Variants in ZC4H2 observed in about 807,000 individuals in gnomAD.
ZC4H2 encodes zinc finger C4H2 domain-containing protein.
For missense variants in ZC4H2, 137 were observed against 173.9 expected, an observed-to-expected ratio of 0.79 and a Z score of 1.19; for synonymous variants, 84 against 66.3, an observed-to-expected ratio of 1.27 and a Z score of -1.30.
rs1006463627 is a variant in ZC4H2 at position 65,018,695 on chromosome X, C to G, written c.-272+15934G>C. 2.7e-5 allele frequency among the ~76,000 whole-genome samples: 3 copies of G among 110,398 alleles called. No individual in the cohort carries two copies. In the East Asian group the frequency reaches 8.6e-4, roughly 32 times the overall value. The stretch of plus-strand genomic sequence containing the variant: ...TGCCAGCGAGACAGAACCGTTCACT[C>G]CCCTGGAAAGGGGGCTGAAGCTAGG... On this transcript the variant is annotated intron_variant, in intron 1 of 4. Coordinates refer to the ZC4H2 transcript ENST00000337990.
chrX:64,924,836 G>A (rs983357404), intron 1 of ZC4H2, among the ~76,000 whole-genome samples: 2 of 110,834 alleles, frequency 1.8e-5, no homozygotes, highest in Non-Finnish European at 3.8e-5. Flanking sequence ...ATAAAACTAG[G>A]GAGGTTGACA....
upstream of ZC4H2, chrX:64,976,545 A>G: frequency 2.0e-6 from 1 of 489,712 alleles, no homozygotes. Flanking sequence ...CCAGCCAGGA[A>G]GCCCGGGGGC....
intron 1 of ZC4H2, among the ~76,000 whole-genome samples, chrX:65,004,406 G>T (rs974993150): frequency 2.7e-5 from 3 of 111,943 alleles, no homozygotes; most frequent in Non-Finnish European, 5.6e-5. Flanking sequence ...CTTCATCCCT[G>T]GGATGCAAGG....
chrX:64,948,435 TTAGG>T lies in ZC4H2; in HGVS notation c.54-26451_54-26448del, dbSNP rs1345510240. Among the ~76,000 whole-genome samples, 109 of 111,893 alleles carry T rather than the reference TTAGG, an allele frequency of 9.7e-4. 1 individual carries two copies. Among genetic ancestry groups the T allele is most frequent in the Middle Eastern group, 9.3e-3 (2 of 216 alleles). On this transcript the variant is annotated intron_variant, in intron 1 of 4. Coordinates refer to ENST00000374839, the MANE Select transcript of ZC4H2 (RefSeq NM_018684.4). ...GTTTCACATTTTTTTTTGTGCACAC[TTAGG>T]TAGGAAAAATCATTGGCTAAGTTCA...
At chrX:65,005,597 A>C (rs1234889236) in intron 1 of ZC4H2, among the ~76,000 whole-genome samples, 1 of 111,708 alleles carries the variant, frequency 9.0e-6, no homozygotes, top group Non-Finnish European at 1.9e-5. Flanking sequence ...ACCTAAAACC[A>C]TAAAAACCCT....
chrX:65,002,375 G>A (rs1056805977), intron 1 of ZC4H2, among the ~76,000 whole-genome samples: 2 of 108,753 alleles, frequency 1.8e-5, no homozygotes, highest in African/African-American at 3.3e-5. Flanking sequence ...CGCCCGGCCA[G>A]CCGCCCCGTC....
chrX:64,945,842 G>A (rs374503608), intron 1 of ZC4H2, among the ~76,000 whole-genome samples: 9 of 111,088 alleles, frequency 8.1e-5, no homozygotes, highest in South Asian at 7.8e-4. Flanking sequence ...GATGGTTTCC[G>A]CTAAGTCAGA....
chrX:65,014,737 ATAGT>A (rs1470079783), intron 1 of ZC4H2, among the ~76,000 whole-genome samples: 1 of 112,096 alleles, frequency 8.9e-6, no homozygotes. Flanking sequence ...TCAACACATA[ATAGT>A]TATTCAGTAA....
At chrX:64,949,978 G>T (rs1003945087) in intron 1 of ZC4H2, among the ~76,000 whole-genome samples, 2 of 111,487 alleles carry the variant, frequency 1.8e-5, no homozygotes, top group African/African-American at 6.5e-5. Context: ...TTCTCTTGTG[G>T]GCATTTAGTG....
intron 1 of ZC4H2, among the ~76,000 whole-genome samples, chrX:64,930,777 C>T (rs1929705812): frequency 1.8e-5 from 2 of 111,303 alleles, no homozygotes; most frequent in South Asian, 7.6e-4. Context: ...TAGTATTTTG[C>T]TGAGGATTTT....
chrX:65,028,456 T>C (rs1932902148), intron 1 of ZC4H2, among the ~76,000 whole-genome samples: 1 of 111,934 alleles, frequency 8.9e-6, no homozygotes, highest in East Asian at 2.8e-4. Flanking sequence ...TCACATAAAA[T>C]GATCATAATG....
chrX:64,951,137 C>G (rs906656580), intron 1 of ZC4H2, among the ~76,000 whole-genome samples: 1 of 111,996 alleles, frequency 8.9e-6, no homozygotes, highest in African/African-American at 3.2e-5. Flanking sequence ...GAAATGAACT[C>G]ATCATTTTTT....
chrX:64,943,794 G>A (rs1194443073), intron 1 of ZC4H2, among the ~76,000 whole-genome samples: 1 of 111,452 alleles, frequency 9.0e-6, no homozygotes, highest in Admixed American at 9.5e-5. Flanking sequence ...CAATTTGCCA[G>A]TCTCTGTCTT....
chrX:64,948,423 T>G (rs1930642918), intron 1 of ZC4H2, among the ~76,000 whole-genome samples: 1 of 112,060 alleles, frequency 8.9e-6, no homozygotes, highest in Admixed American at 9.5e-5. Flanking sequence ...TCACATTTTT[T>G]TTTGTGCACA....
rs1165369133 is a variant in ZC4H2 at position 64,993,040 on chromosome X, A to G, written c.-272+41589T>C. On this transcript the variant is annotated intron_variant, in intron 1 of 4. Transcript: ENST00000337990. ...GTGCTCTCATTAGCCAACTTCTGCA[A>G]GCAAGGCTGTTGCATCCTCCACCAT... is the stretch of plus-strand genomic sequence containing the variant. 3.6e-5 allele frequency among the ~76,000 whole-genome samples: 4 copies of G among 112,055 alleles called. No homozygotes were observed. In the East Asian group the frequency reaches 1.1e-3, roughly 31 times the overall value.
Position 64,916,747 on chromosome X carries a change from A to G in ZC4H2, c.*1036T>C, listed in dbSNP as rs773562729. ...GGAGGAAAGGCCACCTGCACAATCCACAGGACAGGAGTGGCCAGCAGCTAT... is the reference window on the plus strand; with the variant it reads ...GGAGGAAAGGCCACCTGCACAATCCGCAGGACAGGAGTGGCCAGCAGCTAT... On this transcript the variant is annotated 3_prime_UTR_variant, in exon 5 of 5. Transcript: ENST00000374839. 4.5e-5 allele frequency: 5 copies of G among 111,444 alleles called. No individual in the cohort carries two copies. Among genetic ancestry groups the G allele is most frequent in the Non-Finnish European group, 9.4e-5 (5 of 53,097 alleles). The allele number at this position is 111,444 out of a possible 1,213,427, so 9.2% of individuals were successfully genotyped here.
upstream of ZC4H2, among the ~76,000 whole-genome samples, chrX:64,978,725 G>T (rs5964406): frequency 0.12 from 13,682 of 110,119 alleles, 2,048 homozygotes; most frequent in African/African-American, 0.42. Flanking sequence ...TTAATGAAGA[G>T]AGTGTGTCTG....
At chrX:65,004,951 A>G (rs1307313286) in intron 1 of ZC4H2, among the ~76,000 whole-genome samples, 1 of 111,906 alleles carries the variant, frequency 8.9e-6, no homozygotes, top group Non-Finnish European at 1.9e-5. Context: ...ACACACAGAG[A>G]GCCAAATCAT....
intron 1 of ZC4H2, among the ~76,000 whole-genome samples, chrX:64,945,241 AATG>A (rs1930472793): frequency 8.9e-6 from 1 of 112,119 alleles, no homozygotes; most frequent in African/African-American, 3.2e-5. Flanking sequence ...CTTTGACTTT[AATG>A]ACCTTTAAAT....
Sources: allele counts gnomAD v4.1 joint callset (sites outside exome capture counted in the v4.1 genomes callset), GRCh38; gene constraint gnomAD v4.1.1; transcripts MANE v1.5; gene names NCBI Gene and HGNC (gene_info 2026-07-23, HGNC 2026-07-21).